NCOA3: variants seen among roughly 807,000 people sequenced by gnomAD.
NCOA3 encodes the protein CBP-interacting protein.
NCOA3 carries 51 observed loss-of-function variants against 158.8 expected under a neutral mutation model. The ratio of observed to expected loss-of-function variants is 0.32; its 90% CI spans 0.26 to 0.41. The LOEUF is 0.41. Among genes scored for constraint, NCOA3 ranks in the 10% least tolerant of loss-of-function variants. The probability of loss-of-function intolerance (pLI) is 1.00; values close to 1 mark genes in which losing one functional copy is unlikely to be tolerated. For synonymous variants in NCOA3, 537 were observed against 592.4 expected (o/e 0.91, Z 1.36); for missense variants, 1,510 against 1,746.6 (o/e 0.86, Z 2.41).
intron 2 of NCOA3, among the ~76,000 whole-genome samples, chr20:47,589,226 G>C (rs966244092): frequency 1.3e-5 from 2 of 152,058 alleles, no homozygotes; most frequent in African/African-American, 2.4e-5. Context: ...TTAAATTATA[G>C]ATATCCAGTT....
intron 1 of NCOA3, among the ~76,000 whole-genome samples, chr20:47,539,051 C>T (rs1462995326): frequency 6.6e-6 from 1 of 152,124 alleles, no homozygotes; most frequent in East Asian, 1.9e-4. Flanking sequence ...TAGTGGTTTG[C>T]CTGAGTTGTG....
At chr20:47,613,334 CT>C (rs11475079) in intron 2 of NCOA3, among the ~76,000 whole-genome samples, 20,358 of 136,710 alleles carry the variant, frequency 0.15, 1,950 homozygotes, top group African/African-American at 0.28. Flanking sequence ...ACGATTCCTT[CT>C]TTTTTTTTTT....
intron 1 of NCOA3, among the ~76,000 whole-genome samples, chr20:47,562,801 T>TCTAAATTCTAAAA (rs1286838654): frequency 7.9e-5 from 12 of 152,226 alleles, no homozygotes; most frequent in Non-Finnish European, 1.5e-4. Context: ...TTTTCTAAAT[T>TCTAAATTCTAAAA]CTTCTTTTTC....
At chr20:47,564,239 A>G (rs1425905675) in intron 1 of NCOA3, among the ~76,000 whole-genome samples, 1 of 152,106 alleles carries the variant, frequency 6.6e-6, no homozygotes, top group Non-Finnish European at 1.5e-5. Flanking sequence ...GTTCTCACAC[A>G]TTAAAACAAT....
At chr20:47,525,508 G>A (rs1313847198) in intron 1 of NCOA3, among the ~76,000 whole-genome samples, 201 of 149,630 alleles carry the variant, frequency 1.3e-3, no homozygotes, top group African/African-American at 4.6e-3. Flanking sequence ...CAATAGGGGC[G>A]GCCGGGCAGA....
intron 1 of NCOA3, among the ~76,000 whole-genome samples, chr20:47,564,912 T>C (rs910587616): frequency 7.2e-5 from 11 of 152,174 alleles, no homozygotes; most frequent in Non-Finnish European, 1.6e-4. Flanking sequence ...AAAGCTCCTA[T>C]GTATCCTAAA....
At chr20:47,615,860 A>C (rs2086123019) in intron 2 of NCOA3, among the ~76,000 whole-genome samples, 1 of 152,184 alleles carries the variant, frequency 6.6e-6, no homozygotes, top group African/African-American at 2.4e-5. Flanking sequence ...TTACTATTCT[A>C]CATTAAAGTA....
intron 2 of NCOA3, among the ~76,000 whole-genome samples, chr20:47,606,726 G>GGAA (rs2085954077): frequency 2.0e-5 from 3 of 152,156 alleles, no homozygotes; most frequent in South Asian, 2.1e-4. Context: ...CTTTTTTCAT[G>GGAA]GAACACCATT....
At chr20:47,591,100 A>G (rs1338361033) in intron 2 of NCOA3, among the ~76,000 whole-genome samples, 3 of 152,224 alleles carry the variant, frequency 2.0e-5, no homozygotes, top group African/African-American at 4.8e-5. Flanking sequence ...ACAGAGTAAG[A>G]TTGTGTCTCA....
chr20:47,525,292 T>C (rs1245364167), intron 1 of NCOA3, among the ~76,000 whole-genome samples: 4 of 151,320 alleles, frequency 2.6e-5, no homozygotes, highest in African/African-American at 9.7e-5. Context: ...GAAGAATTTT[T>C]CTTAGTACAG....
chr20:47,623,154 ACTACT>A, intron 3 of NCOA3: 1 of 152,360 alleles, frequency 6.6e-6, no homozygotes, highest in Middle Eastern at 3.4e-3. Flanking sequence ...TCTATATAAC[ACTACT>A]CTATAGCTTT....
At chr20:47,653,148 C>A in intron 22 of NCOA3, 76 bp downstream of exon 22, 2 of 1,501,474 alleles carry the variant, frequency 1.3e-6, no homozygotes, top group South Asian at 1.2e-5. Context: ...AGGCTATAAT[C>A]AGAATGTCCT....
intron 1 of NCOA3, among the ~76,000 whole-genome samples, chr20:47,502,280 T>C (rs2083945305): frequency 2.0e-5 from 3 of 151,558 alleles, no homozygotes; most frequent in Admixed American, 2.0e-4. Context: ...TCCGAGGGGG[T>C]CCCCGCGCGG....
rs1382544588 is a variant in NCOA3 at position 47,656,166 on chromosome 20, A to AAAAT, written c.*2751_*2754dup. ...TTGCTGAATCCAAAGATATATAAAT[A>AAAAT]AAATATATATATTTTATAAAGATCA... On this transcript the variant is annotated 3_prime_UTR_variant, in exon 23 of 23. Coordinates refer to ENST00000371998, the MANE Select transcript of NCOA3 (RefSeq NM_181659.3). 1 of 149,128 alleles carries AAAAT rather than the reference A, an allele frequency of 6.7e-6. No homozygotes were observed. Among genetic ancestry groups the AAAAT allele is most frequent in the Non-Finnish European group, 1.5e-5 (1 of 67,330 alleles). The allele number at this position is 149,128 out of a possible 1,614,324, so 9.2% of individuals were successfully genotyped here. A position where few individuals can be genotyped will look rare whatever the true frequency, so the allele number is the denominator to read the frequency against.
intron 5 of NCOA3, among the ~76,000 whole-genome samples, chr20:47,626,128 A>G (rs779796878): frequency 9.2e-5 from 14 of 152,266 alleles, no homozygotes; most frequent in Non-Finnish European, 1.6e-4. Flanking sequence ...GATTGATCAC[A>G]TGGCACGCTA....
intron 1 of NCOA3, among the ~76,000 whole-genome samples, chr20:47,512,036 T>A (rs1260257902): frequency 6.6e-6 from 1 of 151,678 alleles, no homozygotes; most frequent in Non-Finnish European, 1.5e-5. Flanking sequence ...AAAATCAGGC[T>A]GGGTGCAGGG....
chr20:47,520,601 A>C (rs906347633), intron 1 of NCOA3, among the ~76,000 whole-genome samples: 4 of 152,026 alleles, frequency 2.6e-5, no homozygotes, highest in Admixed American at 2.0e-4. Context: ...TCAACCTCTC[A>C]AACCAGGGAT....
intron 1 of NCOA3, among the ~76,000 whole-genome samples, chr20:47,521,566 G>C (rs2084334420): frequency 6.6e-6 from 1 of 152,000 alleles, no homozygotes; most frequent in Non-Finnish European, 1.5e-5. Context: ...TGGGGTGAGT[G>C]GTTTGGCGGG....
intron 2 of NCOA3, among the ~76,000 whole-genome samples, chr20:47,593,076 G>C (rs1014818416): frequency 2.0e-5 from 3 of 152,044 alleles, no homozygotes; most frequent in Admixed American, 1.3e-4. Context: ...TCGGGTTACA[G>C]GCATCCGCCA....
Sources: gnomAD v4.1 joint callset for allele counts (sites outside exome capture counted in the v4.1 genomes callset) on GRCh38, gnomAD v4.1.1 for gene constraint, MANE v1.5 for transcripts, NCBI Gene and HGNC (gene_info 2026-07-23, HGNC 2026-07-21) for gene names.